Variants in NDUFAF2 observed in about 807,000 individuals in gnomAD.
NDUFAF2 encodes NADH:ubiquinone oxidoreductase complex assembly factor 2.
A neutral mutation model predicts 22.8 loss-of-function variants in NDUFAF2; 13 were observed. The ratio of observed to expected loss-of-function variants is 0.57; its 90% CI spans 0.37 to 0.91. The LOEUF (loss-of-function observed/expected upper bound fraction) is 0.91. Among genes scored for constraint, NDUFAF2 ranks in the 40% least tolerant of loss-of-function variants. NDUFAF2 has a pLI of 0.01. For missense variants in NDUFAF2, 162 were observed against 195.2 expected (o/e 0.83, Z 1.01); for synonymous variants, 53 against 64.2 (o/e 0.83, Z 0.84).
intron 2 of NDUFAF2, among the ~76,000 whole-genome samples, chr5:61,080,099 G>A (rs1752423518): frequency 6.6e-6 from 1 of 151,994 alleles, no homozygotes; most frequent in African/African-American, 2.4e-5. Context: ...AGATTTGTTT[G>A]TGTACTTGCA....
intron 1 of NDUFAF2, among the ~76,000 whole-genome samples, chr5:61,040,286 A>ACACACACTCGCGCGCGCGCGCGCG (rs1491193758): frequency 1.1e-5 from 1 of 93,074 alleles, no homozygotes; most frequent in African/African-American, 4.3e-5. Context: ...ACACACACAC[A>ACACACACTCGCGCGCGCGCGCGCG]CGCGCGCGCG....
chr5:61,068,465 A>G (rs1476467969), intron 1 of NDUFAF2, among the ~76,000 whole-genome samples: 2 of 152,124 alleles, frequency 1.3e-5, no homozygotes, highest in African/African-American at 4.8e-5. Context: ...ATGTGGTAGG[A>G]AAAAGGATAT....
chr5:60,994,668 G>C, intron 1 of NDUFAF2, among the ~76,000 whole-genome samples: 1 of 152,170 alleles, frequency 6.6e-6, no homozygotes, highest in South Asian at 2.1e-4. Context: ...TCTTGAAGTA[G>C]TCTTCTTTGG....
At chr5:61,045,012 G>GCATTAAATT (rs1751929069) in intron 1 of NDUFAF2, among the ~76,000 whole-genome samples, 2 of 85,848 alleles carry the variant, frequency 2.3e-5, no homozygotes, top group Non-Finnish European at 4.8e-5. Context: ...TATTAAAATT[G>GCATTAAATT]TATTAAATTT....
At chr5:60,967,318 A>G (rs1561529501) in intron 1 of NDUFAF2, among the ~76,000 whole-genome samples, 2 of 151,892 alleles carry the variant, frequency 1.3e-5, no homozygotes, top group Admixed American at 6.6e-5. Context: ...TTTCTGATTC[A>G]GATGTCTTTT....
intron 1 of NDUFAF2, among the ~76,000 whole-genome samples, chr5:61,004,913 A>C (rs2112593225): frequency 6.7e-6 from 1 of 150,272 alleles, no homozygotes; most frequent in South Asian, 2.1e-4. Flanking sequence ...GGGCTTGTAA[A>C]TTTATTCTTT....
chr5:61,065,943 T>A (rs749131968), intron 1 of NDUFAF2, among the ~76,000 whole-genome samples: 17 of 151,826 alleles, frequency 1.1e-4, no homozygotes, highest in South Asian at 2.1e-4. Context: ...ATAAAAAAAA[T>A]TTTAAGATTT....
chr5:61,136,333 T>C (rs534245639), intron 3 of NDUFAF2, among the ~76,000 whole-genome samples: 6 of 152,022 alleles, frequency 3.9e-5, no homozygotes, highest in Non-Finnish European at 8.8e-5. Flanking sequence ...CTTTTTGGCA[T>C]GTCAAGCACC....
chr5:61,067,021 A>T (rs1473730109), intron 1 of NDUFAF2, among the ~76,000 whole-genome samples: 3 of 152,184 alleles, frequency 2.0e-5, no homozygotes, highest in Non-Finnish European at 1.5e-5. Flanking sequence ...TCTAATGTTC[A>T]TGAGGACTGT....
At position 60,961,145 on chromosome 5, in the gene NDUFAF2, T is replaced by A. The variant is rs1750678485; in HGVS notation, c.127+15763T>A. Among the ~76,000 whole-genome samples, 5 of 152,116 alleles carry A rather than the reference T, an allele frequency of 3.3e-5. No individual in the cohort carries two copies. The South Asian group carries it at 1.0e-3, about 31-fold the overall frequency. On this transcript the variant is annotated intron_variant, in intron 1 of 3. Transcript: ENST00000296597. ...TGCTCTTTATGTTGAAAAATGAAAC[T>A]TAAAGTCTTCAGCAAAATTTACTGT...
At chr5:61,040,988 A>G (rs1751873949) in intron 1 of NDUFAF2, among the ~76,000 whole-genome samples, 1 of 152,180 alleles carries the variant, frequency 6.6e-6, no homozygotes, top group Admixed American at 6.5e-5. Flanking sequence ...AGTTTGTCAT[A>G]ATTTTGCTCC....
intron 1 of NDUFAF2, among the ~76,000 whole-genome samples, chr5:61,069,282 A>G (rs888170621): frequency 6.6e-6 from 1 of 152,184 alleles, no homozygotes; most frequent in African/African-American, 2.4e-5. Flanking sequence ...TTACCTGTCC[A>G]TAGGAGTTTC....
chr5:60,953,814 A>G (rs752557530), intron 1 of NDUFAF2, among the ~76,000 whole-genome samples: 2 of 152,172 alleles, frequency 1.3e-5, no homozygotes, highest in Non-Finnish European at 2.9e-5. Context: ...TTATGAATAT[A>G]TATTTTAAAA....
chr5:60,971,971 C>T (rs1196257747), intron 1 of NDUFAF2, among the ~76,000 whole-genome samples: 4 of 134,748 alleles, frequency 3.0e-5, no homozygotes, highest in Non-Finnish European at 6.1e-5. Context: ...GAGACGGAGT[C>T]GTGCTCTGTC....
At chr5:60,951,234 T>C (rs1041519457) in intron 1 of NDUFAF2, among the ~76,000 whole-genome samples, 2 of 152,168 alleles carry the variant, frequency 1.3e-5, no homozygotes, top group South Asian at 2.1e-4. Flanking sequence ...TTTCGCCATA[T>C]TGGCCAGGAT....
Position 61,069,746 on chromosome 5 carries a change from G to A in NDUFAF2, c.128-3379G>A, listed in dbSNP as rs1226784695. ...TTTTACCTAAACCCTTGTCATCTAC[G>A]ATATGCCTTGGGATCTCACCTTTTA... is the stretch of plus-strand genomic sequence containing the variant. On this transcript the variant is annotated intron_variant, in intron 1 of 3. Transcript: ENST00000296597. 5.3e-5 allele frequency among the ~76,000 whole-genome samples: 8 copies of A among 151,930 alleles called. No homozygotes were observed. The South Asian group carries it at 6.2e-4, about 12-fold the overall frequency.
At chr5:61,074,022 A>G (rs151125152) in intron 2 of NDUFAF2, among the ~76,000 whole-genome samples, 1 of 152,352 alleles carries the variant, frequency 6.6e-6, no homozygotes, top group Admixed American at 6.5e-5. Context: ...TTCTCTCTGA[A>G]TGAAGTTCAT....
chr5:61,068,089 A>G (rs968476773), intron 1 of NDUFAF2, among the ~76,000 whole-genome samples: 4 of 152,274 alleles, frequency 2.6e-5, no homozygotes, highest in Admixed American at 6.6e-5. Context: ...TCACTAATAA[A>G]TCCATTACAT....
At chr5:61,100,088 C>G (rs1394668828) in intron 3 of NDUFAF2, among the ~76,000 whole-genome samples, 1 of 150,650 alleles carries the variant, frequency 6.6e-6, no homozygotes, top group East Asian at 2.0e-4. Flanking sequence ...ACCCTTCTTT[C>G]CAACATTGAT....
Sources: gnomAD v4.1 joint callset for allele counts (sites outside exome capture counted in the v4.1 genomes callset) on GRCh38, gnomAD v4.1.1 for gene constraint, MANE v1.5 for transcripts, NCBI Gene and HGNC (gene_info 2026-07-23, HGNC 2026-07-21) for gene names.